The following CSMD1 variants were observed in gnomAD, a reference collection of about 807,000 sequenced individuals.
CSMD1 encodes CUB and sushi domain-containing protein 1.
Under a neutral mutation model 417.5 loss-of-function variants are expected in CSMD1, and 213 were observed. That is an observed-to-expected ratio of 0.51 (90% confidence interval 0.46 to 0.57). The LOEUF is 0.57. CSMD1 is among the 20% of genes least tolerant of loss of function. The pLI is 0.00. For missense variants in CSMD1, 6,923 were observed against 4,529.7 expected (o/e 1.53, Z -15.17); for synonymous variants, 2,862 against 1,736.8 (o/e 1.65, Z -16.11).
chr8:3,927,455 A>C (rs1809821499), intron 5 of CSMD1, among the ~76,000 whole-genome samples: 1 of 151,934 alleles, frequency 6.6e-6, no homozygotes, highest in Admixed American at 6.6e-5. Flanking sequence ...TCACAAGGTC[A>C]GGAGTTTGGG....
At chr8:4,835,976 C>T (rs116681120) in intron 1 of CSMD1, among the ~76,000 whole-genome samples, 1 of 151,950 alleles carries the variant, frequency 6.6e-6, no homozygotes, top group Non-Finnish European at 1.5e-5. Context: ...TAGGTACCTT[C>T]TAAATGTAAA....
intron 12 of CSMD1, among the ~76,000 whole-genome samples, chr8:3,462,657 C>T (rs940465567): frequency 6.6e-6 from 1 of 152,132 alleles, no homozygotes; most frequent in Non-Finnish European, 1.5e-5. Context: ...TATTTTATTA[C>T]ACATTACATT....
chr8:3,203,993 C>A (rs928984036), intron 31 of CSMD1, among the ~76,000 whole-genome samples: 3 of 152,096 alleles, frequency 2.0e-5, no homozygotes, highest in Non-Finnish European at 2.9e-5. Context: ...TCTTTGCATC[C>A]CTGTACTTAC....
At chr8:3,177,647 AAAT>A (rs1242491404) in intron 37 of CSMD1, among the ~76,000 whole-genome samples, 1 of 152,018 alleles carries the variant, frequency 6.6e-6, no homozygotes, top group Non-Finnish European at 1.5e-5. Context: ...ATGTGGGAAG[AAAT>A]AATAAAAAAA....
chr8:4,032,533 A>T (rs577329272), intron 3 of CSMD1, among the ~76,000 whole-genome samples: 1 of 152,328 alleles, frequency 6.6e-6, no homozygotes, highest in South Asian at 2.1e-4. Context: ...ATTTATTTTT[A>T]TGCTTCCACG....
intron 5 of CSMD1, among the ~76,000 whole-genome samples, chr8:3,814,435 A>G (rs1200603833): frequency 6.6e-6 from 1 of 152,218 alleles, no homozygotes; most frequent in Non-Finnish European, 1.5e-5. Flanking sequence ...TCTCTAGAGC[A>G]TGACAGAATT....
chr8:4,472,917 G>C (rs569606126), intron 2 of CSMD1, among the ~76,000 whole-genome samples: 5 of 151,606 alleles, frequency 3.3e-5, no homozygotes, highest in African/African-American at 4.8e-5. Context: ...ATAATATTTT[G>C]ATAATTTACA....
At chr8:4,902,157 C>G (rs1162140765) in intron 1 of CSMD1, among the ~76,000 whole-genome samples, 1 of 151,970 alleles carries the variant, frequency 6.6e-6, no homozygotes, top group Non-Finnish European at 1.5e-5. Context: ...TGCCTGTCAA[C>G]CCAGCTTTTT....
chr8:3,234,017 G>A (rs571469615), intron 26 of CSMD1, among the ~76,000 whole-genome samples: 1 of 152,166 alleles, frequency 6.6e-6, no homozygotes, highest in Non-Finnish European at 1.5e-5. Flanking sequence ...CACTCTGTGA[G>A]TAGAACACCC....
At chr8:3,619,732 C>A (rs536004350) in intron 7 of CSMD1, among the ~76,000 whole-genome samples, 10 of 151,902 alleles carry the variant, frequency 6.6e-5, no homozygotes, top group African/African-American at 2.2e-4. Flanking sequence ...AACAAGGGAT[C>A]CATAATAAGA....
At chr8:4,508,473 A>G (rs911642724) in intron 2 of CSMD1, among the ~76,000 whole-genome samples, 1 of 152,186 alleles carries the variant, frequency 6.6e-6, no homozygotes, top group Non-Finnish European at 1.5e-5. Context: ...TTATTCCAGA[A>G]TTTAATTTAG....
chr8:4,786,633 A>T (rs892843981), intron 1 of CSMD1, among the ~76,000 whole-genome samples: 3 of 152,210 alleles, frequency 2.0e-5, no homozygotes, highest in Non-Finnish European at 2.9e-5. Context: ...TCTCTCTCTG[A>T]TCTGAGCCTG....
intron 1 of CSMD1, among the ~76,000 whole-genome samples, chr8:4,948,258 C>T (rs1808497478): frequency 6.6e-6 from 1 of 151,928 alleles, no homozygotes. Flanking sequence ...TTTTTATCGT[C>T]TTTACCATTA....
chr8:4,463,726 G>A (rs761811673), intron 2 of CSMD1, among the ~76,000 whole-genome samples: 2 of 152,136 alleles, frequency 1.3e-5, no homozygotes, highest in Non-Finnish European at 2.9e-5. Context: ...ATAAATTAGT[G>A]TTTCCTTTGG....
intron 5 of CSMD1, among the ~76,000 whole-genome samples, chr8:3,918,057 T>G (rs190461518): frequency 2.6e-4 from 40 of 152,226 alleles, no homozygotes; most frequent in Middle Eastern, 3.4e-3. Context: ...GAGTAATATT[T>G]CATTGTATAT....
At chr8:4,252,456 T>C (rs1803145425) in intron 3 of CSMD1, among the ~76,000 whole-genome samples, 4 of 152,226 alleles carry the variant, frequency 2.6e-5, no homozygotes, top group Non-Finnish European at 5.9e-5. Context: ...GAATGAGAAC[T>C]TGAGTTACAC....
At chr8:4,965,716 A>G (rs898997460) in intron 1 of CSMD1, among the ~76,000 whole-genome samples, 1 of 152,188 alleles carries the variant, frequency 6.6e-6, no homozygotes, top group Non-Finnish European at 1.5e-5. Flanking sequence ...ATAAAATTGA[A>G]TGCACATTTT....
chr8:3,374,205 C>T (rs935232117), intron 18 of CSMD1, among the ~76,000 whole-genome samples: 18 of 152,168 alleles, frequency 1.2e-4, no homozygotes, highest in African/African-American at 2.6e-4. Flanking sequence ...CTACCTGCCC[C>T]GCCTCAGCCT....
chr8:4,131,042 G>A (rs1002402360), intron 3 of CSMD1, among the ~76,000 whole-genome samples: 5 of 152,066 alleles, frequency 3.3e-5, no homozygotes, highest in African/African-American at 9.7e-5. Context: ...AAGCGTGATT[G>A]GATTTGTCCT....
Sources: allele counts gnomAD v4.1 joint callset (sites outside exome capture counted in the v4.1 genomes callset), GRCh38; gene constraint gnomAD v4.1.1; transcripts MANE v1.5; gene names NCBI Gene and HGNC (gene_info 2026-07-23, HGNC 2026-07-21).